Variants in UGT8 observed in about 807,000 individuals in gnomAD.
UGT8 encodes UDP glycosyltransferase 8.
In UGT8, 12 loss-of-function variants were observed where a neutral mutation model predicts 40.5. The ratio of observed to expected loss-of-function variants is 0.30; its 90% CI spans 0.19 to 0.48. The LOEUF is 0.48. Ranked by LOEUF, UGT8 falls within the 20% of genes least tolerant of loss-of-function variation. The pLI, the probability that UGT8 is intolerant of heterozygous loss-of-function variation, is 0.99. For synonymous variants in UGT8, 224 were observed against 240.4 expected, an observed-to-expected ratio of 0.93 and a Z score of 0.63; for missense variants, 513 against 648.7, an observed-to-expected ratio of 0.79 and a Z score of 2.27.
chr4:114,657,364 G>C (rs531875573), intron 2 of UGT8, among the ~76,000 whole-genome samples: 1 of 152,220 alleles, frequency 6.6e-6, no homozygotes, highest in East Asian at 1.9e-4. Context: ...AATCTCAGTG[G>C]AAATGAATAC....
At chr4:114,645,213 A>G (rs950915656) in intron 2 of UGT8, among the ~76,000 whole-genome samples, 48 of 152,312 alleles carry the variant, frequency 3.2e-4, no homozygotes, top group African/African-American at 1.0e-3. Flanking sequence ...ATAAGCATCA[A>G]GAGTTTCACT....
chr4:114,647,173 G>A (rs1415635826), intron 2 of UGT8, among the ~76,000 whole-genome samples: 1 of 152,130 alleles, frequency 6.6e-6, no homozygotes, highest in Non-Finnish European at 1.5e-5. Context: ...GTAGTCTCCA[G>A]TAGTATTGCC....
chr4:114,674,021 TCTCA>T lies in UGT8; in HGVS notation c.1263-1900_1263-1897del, dbSNP rs377315612. Among the ~76,000 whole-genome samples the T allele has an allele frequency of 1.1e-3, 168 of 152,348 alleles. 1 individual carries two copies. Among genetic ancestry groups the T allele is most frequent in the African/African-American group, 3.1e-3 (129 of 41,586 alleles). ...TGTAATAGCCTTCATTTGTTTTTTC[TCTCA>T]CTCCTAACAACCTTCTGTTCACTGC... is the stretch of plus-strand genomic sequence containing the variant. On this transcript the variant is annotated intron_variant, in intron 5 of 5. Coordinates refer to ENST00000310836, the MANE Select transcript of UGT8 (RefSeq NM_001128174.3).
intron 3 of UGT8, among the ~76,000 whole-genome samples, chr4:114,664,680 C>T (rs144857624): frequency 6.4e-4 from 97 of 152,252 alleles, no homozygotes; most frequent in Admixed American, 1.8e-3. Flanking sequence ...CATAGATTGA[C>T]CCCAGCTTCT....
chr4:114,666,107 C>T (rs1415447637), intron 4 of UGT8, among the ~76,000 whole-genome samples: 1 of 151,946 alleles, frequency 6.6e-6, no homozygotes, highest in Non-Finnish European at 1.5e-5. Flanking sequence ...GAAAGTAGAA[C>T]AGTTAAAACA....
Position 114,672,365 on chromosome 4 carries a change from C to G in UGT8, c.1263-3560C>G, listed in dbSNP as rs1276380652. On this transcript the variant is annotated intron_variant, in intron 5 of 5. Coordinates refer to ENST00000310836, the MANE Select transcript of UGT8 (RefSeq NM_001128174.3). ...AATCGTTCTGCTATAAAGACACAAG[C>G]ACACGTATGTTTATTGCAATACAAT... is the stretch of plus-strand genomic sequence containing the variant. Among the ~76,000 whole-genome samples the G allele has an allele frequency of 1.3e-5, 2 of 152,106 alleles. 1 individual carries two copies. Among genetic ancestry groups the G allele is most frequent in the Admixed American group, 1.3e-4 (2 of 15,268 alleles).
intron 1 of UGT8, among the ~76,000 whole-genome samples, chr4:114,612,998 C>T (rs556134120): frequency 6.6e-6 from 1 of 151,886 alleles, no homozygotes; most frequent in Non-Finnish European, 1.5e-5. Context: ...CCCTTTTTTT[C>T]CCAGTAAGTT....
chr4:114,599,163 G>C (rs1455468038), intron 1 of UGT8, among the ~76,000 whole-genome samples, 189 bp downstream of exon 1: 1 of 152,054 alleles, frequency 6.6e-6, no homozygotes, highest in Admixed American at 6.5e-5. Flanking sequence ...GGGGGTTGGC[G>C]GGGTAGGGAG....
rs1731921440 is a variant in UGT8 at position 114,622,958 on chromosome 4, G to T, written c.78G>T (p.Val26=). 1 of 1,613,928 alleles carries T rather than the reference G, an allele frequency of 6.2e-7. No individual in the cohort carries two copies. Among genetic ancestry groups the T allele is most frequent in the Non-Finnish European group, 8.5e-7 (1 of 1,180,016 alleles). The change falls in exon 2 of 6, where the codon GTG becomes GTT. Residue 26 remains valine, a synonymous_variant. Transcript: ENST00000310836. ...CGAAGGCTGCCAAAATCATCATCGTGCCGCCAATTATGTTTGAAAGCCATA... is the reference window on the plus strand; with the variant it reads ...CGAAGGCTGCCAAAATCATCATCGTTCCGCCAATTATGTTTGAAAGCCATA... ...GIAKAAKIII[V]PPIMFESHMY...
chr4:114,606,476 T>G (rs1017066782), intron 1 of UGT8, among the ~76,000 whole-genome samples: 2 of 152,192 alleles, frequency 1.3e-5, no homozygotes, highest in Non-Finnish European at 2.9e-5. Flanking sequence ...CTGTCCCTAT[T>G]GAGTTGTTCT....
At position 114,648,371 on chromosome 4, in the gene UGT8, GTTT is replaced by G. The variant is rs71753758; in HGVS notation, c.823-15605_823-15603del. On this transcript the variant is annotated intron_variant, in intron 2 of 5. Coordinates refer to ENST00000310836, the MANE Select transcript of UGT8 (RefSeq NM_001128174.3). ...TGATCTCAGACACACAGAAAATCTG[GTTT>G]TTTTTTTTTTTTTTTTTTAGTCAAA... Among the ~76,000 whole-genome samples the G allele has an allele frequency of 1.9e-3, 237 of 125,702 alleles. 1 individual carries two copies. Among genetic ancestry groups the G allele is most frequent in the Middle Eastern group, 4.2e-3 (1 of 238 alleles). 82.5% of individuals were successfully genotyped at this position (125,702 alleles called of 152,430 possible). A position where few individuals can be genotyped will look rare whatever the true frequency, so the allele number is the denominator to read the frequency against.
In UGT8 at chr4:114,676,093, T is replaced by C. The variant is rs780763847; in HGVS notation, c.1431T>C (p.Ile477=). ...ISFCQYFLLD[I]AFVLLLGAAL... is the part of the protein sequence containing the mutation. ...TTTGTCAGTATTTTTTACTGGATAT[T>C]GCCTTTGTGCTTTTGCTTGGTGCTG... is the stretch of plus-strand genomic sequence containing the variant. Residue 477 remains isoleucine (I), a synonymous_variant, in exon 6 of 6, where the codon ATT becomes ATC. Transcript: ENST00000310836. 6.2e-7 allele frequency: 1 copy of C among 1,614,260 alleles called. No homozygotes were observed. Among genetic ancestry groups the C allele is most frequent in the Non-Finnish European group, 8.5e-7 (1 of 1,180,052 alleles).
At position 114,608,869 on chromosome 4, in the gene UGT8, A is replaced by G. The variant is rs886410987; in HGVS notation, c.-3+9895A>G. Among the ~76,000 whole-genome samples the G allele has an allele frequency of 3.3e-5, 5 of 152,208 alleles. 1 individual carries two copies. The highest frequency in any genetic ancestry group is 2.1e-4 in the South Asian group (1 of 4,834). ...GTTGGAGAAAATAATGATTATATGC[A>G]TGAGGAAGATAACTTAGGAAGCATT... On this transcript the variant is annotated intron_variant, in intron 1 of 5. Coordinates refer to ENST00000310836, the MANE Select transcript of UGT8 (RefSeq NM_001128174.3).
At chr4:114,669,394 A>G (rs1304232743) in intron 5 of UGT8, among the ~76,000 whole-genome samples, 5 of 28,860 alleles carry the variant, frequency 1.7e-4, no homozygotes, top group Non-Finnish European at 3.7e-4. Flanking sequence ...ATATATATAT[A>G]TATATATATA....
intron 2 of UGT8, among the ~76,000 whole-genome samples, chr4:114,627,025 T>C (rs962424769): frequency 6.6e-6 from 1 of 152,142 alleles, no homozygotes; most frequent in Non-Finnish European, 1.5e-5. Flanking sequence ...TTAAAATCCA[T>C]GTTAGAAATG....
intron 2 of UGT8, among the ~76,000 whole-genome samples, chr4:114,644,967 GCTT>G (rs968627156): frequency 3.0e-4 from 45 of 152,156 alleles, no homozygotes; most frequent in Admixed American, 2.7e-3. Context: ...GCTACTTTCA[GCTT>G]CTTCTACTAT....
intron 2 of UGT8, among the ~76,000 whole-genome samples, chr4:114,650,790 AAAAC>A (rs1733852476): frequency 6.6e-6 from 1 of 152,310 alleles, no homozygotes; most frequent in South Asian, 2.1e-4. Flanking sequence ...AAACAAAACA[AAAAC>A]AAAACTTTTG....
chr4:114,604,856 C>T (rs917091507), intron 1 of UGT8, among the ~76,000 whole-genome samples: 5 of 151,480 alleles, frequency 3.3e-5, no homozygotes, highest in African/African-American at 4.8e-5. Flanking sequence ...ACCTGAAAAT[C>T]GCTAGCCATA....
intron 1 of UGT8, among the ~76,000 whole-genome samples, chr4:114,613,274 C>T (rs1371659400): frequency 2.0e-5 from 3 of 152,042 alleles, no homozygotes; most frequent in African/African-American, 7.2e-5. Flanking sequence ...TCCAAAAAAC[C>T]TCAACATTTT....
Sources: gnomAD v4.1 joint callset for allele counts (sites outside exome capture counted in the v4.1 genomes callset) on GRCh38, gnomAD v4.1.1 for gene constraint, MANE v1.5 for transcripts, NCBI Gene and HGNC (gene_info 2026-07-23, HGNC 2026-07-21) for gene names.